Variants in ADGRG5 observed in about 807,000 individuals in gnomAD.
ADGRG5 encodes the protein G protein-coupled receptor 114.
A neutral mutation model predicts 53.2 loss-of-function variants in ADGRG5; 37 were observed. The ratio of observed to expected loss-of-function variants is 0.70; its 90% confidence interval spans 0.53 to 0.91. ADGRG5 has a LOEUF of 0.91. Ranked by LOEUF, ADGRG5 falls within the 40% of genes least tolerant of loss-of-function variation. ADGRG5 has a pLI of 0.00. For synonymous variants in ADGRG5, 277 were observed against 290.4 expected (o/e 0.95, Z 0.47); for missense variants, 614 against 675.8 (o/e 0.91, Z 1.01).
At chr16:57,567,786 T>C (rs756806966) in intron 8 of ADGRG5, 70 bp from the exon 9 acceptor site, 67 of 1,528,288 alleles carry the variant, frequency 4.4e-5, no homozygotes, top group Non-Finnish European at 5.7e-5. Flanking sequence ...GGCATGCACC[T>C]ATGCACCCAG....
chr16:57,533,598 A>T, the ADGRG5 span, among the ~76,000 whole-genome samples: 2 of 151,606 alleles, frequency 1.3e-5, no homozygotes, highest in Non-Finnish European at 2.9e-5. Context: ...ACACTCACAC[A>T]TGGCCCCAGG....
At chr16:57,575,128 G>C in intron 11 of ADGRG5, 36 bp downstream of exon 11, 1 of 1,586,944 alleles carries the variant, frequency 6.3e-7, no homozygotes, top group Non-Finnish European at 8.6e-7. Context: ...AAGCTACCTG[G>C]CAGGGGGTGT....
intron 9 of ADGRG5, among the ~76,000 whole-genome samples, chr16:57,569,717 TC>T (rs2033288043): frequency 7.8e-6 from 1 of 128,186 alleles, no homozygotes; most frequent in South Asian, 2.9e-4. Context: ...TCTATCACCA[TC>T]GTCATCACAT....
In ADGRG5 at chr16:57,566,245, G is replaced by A. The variant is rs73547038; in HGVS notation, c.547-354G>A. On this transcript the variant is annotated intron_variant, in intron 6 of 11. Transcript: ENST00000349457. ...TTGCTGTTCCCCATGGGGAGGAAGG[G>A]AAGGGATCAGCTGGTTATGGAGCGC... The A allele has an allele frequency of 4.7e-3, 915 of 194,320 alleles. 8 individuals are homozygous for A. The highest frequency in any genetic ancestry group is 0.02 in the African/African-American group (862 of 43,316). 12.0% of individuals were successfully genotyped at this position (194,320 alleles called of 1,614,324 possible).
intron 1 of ADGRG5, among the ~76,000 whole-genome samples, chr16:57,553,036 G>A (rs1383916374): frequency 6.6e-6 from 1 of 152,074 alleles, no homozygotes; most frequent in East Asian, 1.9e-4. Flanking sequence ...ATCTTATATG[G>A]GCGCAGTTTG....
upstream of ADGRG5, among the ~76,000 whole-genome samples, chr16:57,538,391 G>T (rs2032439188): frequency 6.6e-6 from 1 of 152,142 alleles, no homozygotes; most frequent in Non-Finnish European, 1.5e-5. Flanking sequence ...GATCGCCTGA[G>T]GCCGGGAGTT....
upstream of ADGRG5, among the ~76,000 whole-genome samples, chr16:57,538,316 A>G (rs1199210430): frequency 6.6e-6 from 1 of 152,142 alleles, no homozygotes; most frequent in Non-Finnish European, 1.5e-5. Flanking sequence ...AAGATCAGAA[A>G]TGACTGGACT....
chr16:57,571,440 C>T (rs929833643), intron 10 of ADGRG5, among the ~76,000 whole-genome samples: 3 of 152,112 alleles, frequency 2.0e-5, no homozygotes, highest in African/African-American at 7.2e-5. Context: ...TGAAGCAGGG[C>T]CGGGGGACTG....
At chr16:57,568,796 CCACCTCCAT>C (rs1205811479) in intron 9 of ADGRG5, among the ~76,000 whole-genome samples, 19 of 145,672 alleles carry the variant, frequency 1.3e-4, no homozygotes, top group Non-Finnish European at 2.5e-4. Context: ...ACTACCTCCT[CCACCTCCAT>C]CACCTCCATC....
In ADGRG5 at chr16:57,563,179, G is replaced by A. The variant is rs147162768; in HGVS notation, c.229G>A (p.Ala77Thr). The change falls in exon 4 of 12, where the codon GCC becomes ACC. Residue 77 changes from alanine (A) to threonine (T), a missense_variant. Transcript: ENST00000349457. The part of the protein sequence containing the change: ...TLQTPTIQSL[A>T]FKLSCDFSGL... ...GCAGACACCCACCATCCAGTCTCTG[G>A]CCTTCAAGCTGAGCTGTGACTTCTC... 57 of 1,614,152 alleles carry A rather than the reference G, an allele frequency of 3.5e-5. No homozygotes were observed. In the African/African-American group the frequency reaches 6.1e-4, roughly 17 times the overall value.
chr16:57,540,247 A>G (rs537766926), upstream of ADGRG5, among the ~76,000 whole-genome samples: 5 of 151,520 alleles, frequency 3.3e-5, no homozygotes, highest in Middle Eastern at 3.4e-3. Flanking sequence ...GTCTCAGACA[A>G]ACAAACAAAC....
intron 1 of ADGRG5, among the ~76,000 whole-genome samples, chr16:57,560,268 C>T (rs4784829): frequency 0.51 from 77,634 of 152,074 alleles, 22,929 homozygotes; most frequent in African/African-American, 0.81. Context: ...CTGTGTCTTC[C>T]TTCATGATAT....
intron 1 of ADGRG5, among the ~76,000 whole-genome samples, chr16:57,544,927 A>G (rs1245089294): frequency 1.3e-5 from 2 of 152,028 alleles, no homozygotes. Flanking sequence ...TCATGCCACC[A>G]TGCTGGGTTA....
At chr16:57,571,653 T>TTC (rs1276039754) in intron 10 of ADGRG5, among the ~76,000 whole-genome samples, 6 of 138,340 alleles carry the variant, frequency 4.3e-5, no homozygotes, top group Non-Finnish European at 7.7e-5. Flanking sequence ...TTTTCTTTTT[T>TTC]TTCTTTTTTT....
rs769167280 is a variant in ADGRG5, at chr16:57,575,502, G to A, written c.1551G>A (p.Gln517=). 4 of 1,614,056 alleles carry A rather than the reference G, an allele frequency of 2.5e-6. No homozygotes were observed. The South Asian group carries it at 4.4e-5, about 18-fold the overall frequency. Residue 517 remains glutamine, a synonymous_variant, in exon 12 of 12, where the codon CAG becomes CAA. Transcript: ENST00000349457. ...RCRSEAEAKA[Q]IEAFSSSQTT... ...GCTCAGAAGCAGAGGCCAAGGCACAGATAGAGGCCTTCAGCTCCTCCCAAA... is the reference window on the plus strand; with the variant it reads ...GCTCAGAAGCAGAGGCCAAGGCACAAATAGAGGCCTTCAGCTCCTCCCAAA...
chr16:57,553,767 T>A (rs1230378173), intron 1 of ADGRG5, among the ~76,000 whole-genome samples: 1 of 152,228 alleles, frequency 6.6e-6, no homozygotes, highest in Non-Finnish European at 1.5e-5. Context: ...TGAGGGGTGT[T>A]GGTCTGTAGT....
chr16:57,550,241 G>A (rs1410172739), intron 1 of ADGRG5, among the ~76,000 whole-genome samples: 1 of 152,204 alleles, frequency 6.6e-6, no homozygotes, highest in African/African-American at 2.4e-5. Flanking sequence ...GCCTCCCAAA[G>A]TGCTGGGATT....
At chr16:57,564,097 A>G in intron 5 of ADGRG5, 118 bp downstream of exon 5, 1 of 1,109,256 alleles carries the variant, frequency 9.0e-7, no homozygotes, top group Non-Finnish European at 1.3e-6. Context: ...CCAACCAGCC[A>G]TCTGTGCAAT....
chr16:57,533,330 C>A, the ADGRG5 span, among the ~76,000 whole-genome samples: 1 of 151,980 alleles, frequency 6.6e-6, no homozygotes. Flanking sequence ...AGAAGCCCAC[C>A]CCGCCCCCAG....
Sources: allele counts gnomAD v4.1 joint callset (sites outside exome capture counted in the v4.1 genomes callset), GRCh38; gene constraint gnomAD v4.1.1; transcripts MANE v1.5; gene names NCBI Gene and HGNC (gene_info 2026-07-23, HGNC 2026-07-21).